Variants in LCA5 observed in about 807,000 individuals in gnomAD.
LCA5 encodes lebercilin LCA5, also known as lebercilin.
Under a neutral mutation model 53.0 loss-of-function variants are expected in LCA5, and 37 were observed. The observed-to-expected ratio is 0.70, with a 90% CI of 0.54 to 0.92. The LOEUF is 0.92. LCA5 is among the 40% of genes least tolerant of loss of function. The pLI is 0.00. For synonymous variants in LCA5, 303 were observed against 282.9 expected, an observed-to-expected ratio of 1.07 and a Z score of -0.71; for missense variants, 806 against 790.5, an observed-to-expected ratio of 1.02 and a Z score of -0.23.
intron 3 of LCA5, among the ~76,000 whole-genome samples, chr6:79,505,906 A>G (rs917803699): frequency 3.9e-5 from 6 of 152,176 alleles, no homozygotes. Context: ...ATAATGCTGT[A>G]TCTAGGAAGA....
chr6:79,523,798 C>T (rs553365107), intron 1 of LCA5, among the ~76,000 whole-genome samples: 1 of 152,168 alleles, frequency 6.6e-6, no homozygotes, highest in African/African-American at 2.4e-5. Context: ...CCTGCCCCCC[C>T]TCAAATACTT....
chr6:79,538,031 T>TTTTTTTTTTG (rs1767210295), upstream of LCA5, among the ~76,000 whole-genome samples: 1 of 108,904 alleles, frequency 9.2e-6, no homozygotes, highest in Non-Finnish European at 2.0e-5. Context: ...TTTTTTTTTT[T>TTTTTTTTTTG]TTTTTTTTTT....
In LCA5 at chr6:79,519,031, A is replaced by AAATAC; in HGVS notation, c.-138_-137insGTATT. ...TTTCTGTGCAATCTATTTTCTCCAC[A>AAATAC]ATGTATTTGTAGACCACAATTCACA... On this transcript the variant is annotated 5_prime_UTR_variant, in exon 2 of 8. It adds an upstream start codon to the 5' untranslated region. Transcript: ENST00000369846. 1.0e-6 allele frequency: 1 copy of AAATAC among 957,736 alleles called. No individual in the cohort carries two copies. The highest frequency in any genetic ancestry group is 1.7e-6 in the Non-Finnish European group (1 of 599,162). 59.3% of individuals were successfully genotyped at this position (957,736 alleles called of 1,614,324 possible).
chr6:79,508,194 G>C (rs946026878), intron 3 of LCA5, among the ~76,000 whole-genome samples: 1 of 152,110 alleles, frequency 6.6e-6, no homozygotes, highest in African/African-American at 2.4e-5. Context: ...CTATGGCCCG[G>C]AACTAGAGCA....
At chr6:79,513,145 A>G in intron 3 of LCA5, 67 bp downstream of exon 3, 2 of 1,432,612 alleles carry the variant, frequency 1.4e-6, no homozygotes, top group East Asian at 2.3e-5. Flanking sequence ...CAATTTTAAG[A>G]GAGCACATTA....
At chr6:79,526,476 A>G (rs2127687392) in intron 1 of LCA5, among the ~76,000 whole-genome samples, 1 of 152,232 alleles carries the variant, frequency 6.6e-6, no homozygotes, top group African/African-American at 2.4e-5. Context: ...CCCAGGAGGC[A>G]GAGGTTGCAG....
chr6:79,526,402 GGC>G (rs1378201678), intron 1 of LCA5, among the ~76,000 whole-genome samples: 2 of 152,084 alleles, frequency 1.3e-5, no homozygotes, highest in Non-Finnish European at 2.9e-5. Flanking sequence ...AAATTAGCTG[GGC>G]GAGGTGGCGG....
intron 3 of LCA5, among the ~76,000 whole-genome samples, chr6:79,510,127 CAA>C (rs1770373353): frequency 6.6e-6 from 1 of 152,038 alleles, no homozygotes; most frequent in Non-Finnish European, 1.5e-5. Context: ...TGTAGGTAAT[CAA>C]GAGTGTATAG....
chr6:79,513,694 G>T lies in LCA5; in HGVS notation c.238C>A (p.Arg80=). ...AGGCTCTGGGAGCGAAATCCCACTC[G>T]GACTCCCTTTCTGTTTGGTAGACCC... ...PKGLPNRKGV[R]VGFRSQSLNR... The change falls in exon 3 of 8, where the codon CGA becomes AGA. Residue 80 remains arginine, a synonymous_variant. Transcript: ENST00000369846. 6.2e-7 allele frequency: 1 copy of T among 1,613,614 alleles called. No individual in the cohort carries two copies. The highest frequency in any genetic ancestry group is 8.5e-7 in the Non-Finnish European group (1 of 1,179,768).
rs144842986 is a variant in LCA5, at chr6:79,533,199, A to C, written c.-192+3966T>G. The stretch of plus-strand genomic sequence containing the variant: ...CTGACTAATGTAATGTAGACATAAT[A>C]CTATTGAATGAATATAATTATTCTT... On this transcript the variant is annotated intron_variant, in intron 1 of 7. Coordinates refer to ENST00000369846, the MANE Select transcript of LCA5 (RefSeq NM_001122769.3). 2.3e-4 allele frequency among the ~76,000 whole-genome samples: 35 copies of C among 152,272 alleles called. No individual in the cohort carries two copies. The East Asian group carries it at 6.2e-3, about 27-fold the overall frequency.
chr6:79,536,513 G>GTAAA (rs1345209526), intron 1 of LCA5, among the ~76,000 whole-genome samples: 4 of 152,160 alleles, frequency 2.6e-5, no homozygotes, highest in Non-Finnish European at 5.9e-5. Context: ...TCTATCTAAC[G>GTAAA]TAAACATCAC....
intron 1 of LCA5, among the ~76,000 whole-genome samples, chr6:79,529,040 C>T (rs1207801290): frequency 6.6e-6 from 1 of 151,598 alleles, no homozygotes; most frequent in Non-Finnish European, 1.5e-5. Context: ...GGCATGGTAG[C>T]TTCAATCCTT....
intron 1 of LCA5, among the ~76,000 whole-genome samples, chr6:79,520,168 T>C (rs2127683819): frequency 6.6e-6 from 1 of 152,302 alleles, no homozygotes; most frequent in African/African-American, 2.4e-5. Flanking sequence ...ACAGTACTTT[T>C]TTTTTAATGG....
At position 79,504,839 on chromosome 6, in the gene LCA5, T is replaced by C. The variant is rs138439183; in HGVS notation, c.720+8373A>G. Among the ~76,000 whole-genome samples, 26 of 152,294 alleles carry C rather than the reference T, an allele frequency of 1.7e-4. No individual in the cohort carries two copies. In the East Asian group the frequency reaches 5.0e-3, roughly 29 times the overall value. ...ATACACATACATATCTATCTAAATA[T>C]ATGTATATAACATGATAATATGTAA... On this transcript the variant is annotated intron_variant, in intron 3 of 7. Transcript: ENST00000369846.
At chr6:79,494,245 A>G (rs1769920173) in intron 3 of LCA5, among the ~76,000 whole-genome samples, 1 of 151,884 alleles carries the variant, frequency 6.6e-6, no homozygotes, top group Admixed American at 6.6e-5. Context: ...AAAAAAAAAA[A>G]TCTTAAGCAC....
chr6:79,515,290 G>A (rs13217887), intron 2 of LCA5, among the ~76,000 whole-genome samples: 411 of 152,066 alleles, frequency 2.7e-3, no homozygotes, highest in Non-Finnish European at 4.2e-3. Flanking sequence ...TCCACTTATC[G>A]GAGATGGAAA....
At chr6:79,531,647 A>G (rs899579965) in intron 1 of LCA5, among the ~76,000 whole-genome samples, 5 of 152,058 alleles carry the variant, frequency 3.3e-5, no homozygotes, top group Non-Finnish European at 7.4e-5. Flanking sequence ...TCTTTTGCAC[A>G]TCTCCTCCCA....
rs11301807 is a variant in LCA5 at position 79,498,172 on chromosome 6, T to TA, written c.721-4423dup. ...TGTATGCAAGTTACCCTCAAATAGC[T>TA]AAAAAAAAAAAAAGTATGTGTATAT... On this transcript the variant is annotated intron_variant, in intron 3 of 7. Coordinates refer to ENST00000369846, the MANE Select transcript of LCA5 (RefSeq NM_001122769.3). 3.9e-3 allele frequency among the ~76,000 whole-genome samples: 565 copies of TA among 145,108 alleles called. 1 individual carries two copies. The highest frequency in any genetic ancestry group is 5.0e-3 in the Non-Finnish European group (330 of 65,584).
In LCA5 at chr6:79,487,122, A is replaced by G. The variant is rs1325935305; in HGVS notation, c.1976T>C (p.Leu659Pro). ...QEHDEDEGFF[L>P]SEGRSFNPNR... Reference sequence around the variant, plus strand: ...TGGATTAAAACTTCTTCCTTCACTGAGGAAAAAGCCTTCATCTTCATCATG... The same window carrying G: ...TGGATTAAAACTTCTTCCTTCACTGGGGAAAAAGCCTTCATCTTCATCATG... Residue 659 changes from leucine (L) to proline (P), a missense_variant, in exon 8 of 8, where the codon CTC (leucine) becomes CCC (proline). By Grantham distance (98) the Leu-to-Pro change is moderately conservative. Coordinates refer to ENST00000369846, the MANE Select transcript of LCA5 (RefSeq NM_001122769.3). 1 of 1,613,818 alleles carries G rather than the reference A, an allele frequency of 6.2e-7. No individual in the cohort carries two copies. Among genetic ancestry groups the G allele is most frequent in the East Asian group, 2.2e-5 (1 of 44,878 alleles).
Sources: gnomAD v4.1 joint callset for allele counts (sites outside exome capture counted in the v4.1 genomes callset) on GRCh38, gnomAD v4.1.1 for gene constraint, MANE v1.5 for transcripts, NCBI Gene and HGNC (gene_info 2026-07-23, HGNC 2026-07-21) for gene names.